SLC4A4: variants seen among roughly 807,000 people sequenced by gnomAD.
SLC4A4 encodes solute carrier family 4 member 4, also known as electrogenic sodium bicarbonate cotransporter 1.
In SLC4A4, 27 loss-of-function variants were observed where a neutral mutation model predicts 111.5. The ratio of observed to expected loss-of-function variants is 0.24; its 90% CI spans 0.18 to 0.33. The LOEUF (loss-of-function observed/expected upper bound fraction) is 0.33, where lower values mean the gene tolerates loss of function less well. Among genes scored for constraint, SLC4A4 ranks in the 10% least tolerant of loss-of-function variants. SLC4A4 has a pLI of 1.00. For missense variants in SLC4A4, 909 were observed against 1,315.5 expected (o/e 0.69, Z 4.78); for synonymous variants, 443 against 463.4 (o/e 0.96, Z 0.57).
rs116259645 is a variant in SLC4A4, at chr4:71,521,915, G to A, written c.2167-10147G>A. ...TTACACTTACACTTCGATTCCACTC[G>A]TTCTGGCTCCCATTACCTTTGCTGA... On this transcript the variant is annotated intron_variant, in intron 16 of 25. Transcript: ENST00000264485. Among the ~76,000 whole-genome samples the A allele has an allele frequency of 9.4e-3, 1,437 of 152,152 alleles. 22 individuals are homozygous for A. The highest frequency in any genetic ancestry group is 0.029 in the African/African-American group (1,221 of 41,484).
At chr4:71,442,381 A>G (rs549396125) in intron 8 of SLC4A4, among the ~76,000 whole-genome samples, 7 of 152,334 alleles carry the variant, frequency 4.6e-5, no homozygotes, top group Admixed American at 4.6e-4. Context: ...ATAATATTAT[A>G]TAACTATTTC....
chr4:71,144,900 C>T (rs1331418644), intron 2 of SLC4A4, among the ~76,000 whole-genome samples: 1 of 152,084 alleles, frequency 6.6e-6, no homozygotes, highest in Non-Finnish European at 1.5e-5. Context: ...CAAACAGGGA[C>T]AATTTGACTT....
intron 2 of SLC4A4, among the ~76,000 whole-genome samples, chr4:71,177,468 A>T (rs2083954020): frequency 1.3e-5 from 2 of 152,190 alleles, no homozygotes. Context: ...GGCTCAAAAT[A>T]AAGGGATGGA....
chr4:71,258,742 A>G (rs1195364554), intron 3 of SLC4A4, among the ~76,000 whole-genome samples: 3 of 152,186 alleles, frequency 2.0e-5, no homozygotes, highest in African/African-American at 7.2e-5. Context: ...CCCTTGGCAC[A>G]TAAAATCTGG....
intron 3 of SLC4A4, among the ~76,000 whole-genome samples, chr4:71,285,130 A>G (rs190451570): frequency 2.7e-4 from 41 of 152,352 alleles, no homozygotes; most frequent in African/African-American, 9.6e-4. Context: ...TATGTGCTCC[A>G]TGGTGACCAA....
At chr4:71,204,030 C>T (rs144029216) in intron 1 of SLC4A4, among the ~76,000 whole-genome samples, 16 of 152,222 alleles carry the variant, frequency 1.1e-4, no homozygotes, top group South Asian at 8.3e-4. Context: ...TCTCTGAAAA[C>T]CAAGTAGTTT....
At position 71,342,868 on chromosome 4, in the gene SLC4A4, G is replaced by A. The variant is rs1247941750; in HGVS notation, c.389+3363G>A. Among the ~76,000 whole-genome samples, 5 of 152,154 alleles carry A rather than the reference G, an allele frequency of 3.3e-5. No individual in the cohort carries two copies. In the South Asian group the frequency reaches 1.0e-3, roughly 32 times the overall value. ...AGAGACGTTATTTCCTTGGGAGCAC[G>A]TGTGCCATTTTGCTGATGTAGTCTG... On this transcript the variant is annotated intron_variant, in intron 4 of 25. Transcript: ENST00000264485.
intron 3 of SLC4A4, among the ~76,000 whole-genome samples, chr4:71,273,136 A>T (rs1722812510): frequency 1.3e-5 from 2 of 152,202 alleles, no homozygotes; most frequent in East Asian, 1.9e-4. Flanking sequence ...TATGAGGTAG[A>T]TATAATTATT....
chr4:71,531,083 G>T (rs1344297848), intron 16 of SLC4A4, among the ~76,000 whole-genome samples: 1 of 152,136 alleles, frequency 6.6e-6, no homozygotes, highest in Non-Finnish European at 1.5e-5. Context: ...CTTGTTGAAT[G>T]ATTAAATTAT....
chr4:71,521,679 G>A (rs545283173), intron 16 of SLC4A4, among the ~76,000 whole-genome samples: 11 of 152,314 alleles, frequency 7.2e-5, no homozygotes, highest in Admixed American at 3.3e-4. Context: ...CACAGAAGAT[G>A]TGGTGTCCCA....
At chr4:71,548,269 C>A (rs746499385) in intron 20 of SLC4A4, among the ~76,000 whole-genome samples, 9 of 151,758 alleles carry the variant, frequency 5.9e-5, no homozygotes, top group Non-Finnish European at 1.2e-4. Flanking sequence ...AAATTACTGA[C>A]TCATAATTAG....
intron 6 of SLC4A4, among the ~76,000 whole-genome samples, chr4:71,375,171 G>A (rs1016892197): frequency 2.6e-5 from 4 of 152,092 alleles, no homozygotes; most frequent in East Asian, 1.9e-4. Context: ...ATATGGAAAC[G>A]CATCTTACAC....
intron 1 of SLC4A4, among the ~76,000 whole-genome samples, chr4:71,084,688 A>T (rs1160466616): frequency 1.3e-5 from 2 of 151,930 alleles, no homozygotes; most frequent in Non-Finnish European, 2.9e-5. Context: ...GTTTGCTGAG[A>T]ATGATGGTTT....
At chr4:71,229,812 GTTTTTTTTTTT>G (rs546659911) in intron 1 of SLC4A4, among the ~76,000 whole-genome samples, 1 of 124,354 alleles carries the variant, frequency 8.0e-6, no homozygotes, top group Non-Finnish European at 1.7e-5. Flanking sequence ...CCCCTGCGAA[GTTTTTTTTTTT>G]TTTTTTTTTT....
rs528873674 is a variant in SLC4A4 at position 71,476,718 on chromosome 4, T to C, written c.1903+3748T>C. ...CTAAATGCACTTTTTTCTCCATTCA[T>C]TTTGCTCCCAACTACTGCTTGGTAA... On this transcript the variant is annotated intron_variant, in intron 14 of 25. Coordinates refer to ENST00000264485, the MANE Select transcript of SLC4A4 (RefSeq NM_001098484.3). 2.2e-4 allele frequency among the ~76,000 whole-genome samples: 34 copies of C among 151,852 alleles called. 1 individual carries two copies. The highest frequency in any genetic ancestry group is 2.2e-3 in the Admixed American group (34 of 15,210).
chr4:71,550,934 G>A (rs1735931959), intron 20 of SLC4A4, among the ~76,000 whole-genome samples: 1 of 151,848 alleles, frequency 6.6e-6, no homozygotes, highest in Non-Finnish European at 1.5e-5. Flanking sequence ...CTTGACCCTA[G>A]CCAGCAACAG....
intron 7 of SLC4A4, among the ~76,000 whole-genome samples, chr4:71,424,414 A>G (rs1035963458): frequency 2.7e-4 from 41 of 151,676 alleles, no homozygotes; most frequent in African/African-American, 9.6e-4. Flanking sequence ...TAGTTCAACC[A>G]TTGTGGAAGT....
At chr4:71,404,362 G>T (rs2148990033) in intron 7 of SLC4A4, among the ~76,000 whole-genome samples, 1 of 152,290 alleles carries the variant, frequency 6.6e-6, no homozygotes, top group South Asian at 2.1e-4. Context: ...CAGCCAAAAA[G>T]GGGCTCTGTG....
intron 1 of SLC4A4, chr4:71,233,322 A>C: frequency 2.0e-6 from 2 of 985,346 alleles, no homozygotes; most frequent in Non-Finnish European, 2.4e-6. Flanking sequence ...GTATGTAAAA[A>C]TTATATTTGG....
Sources: gnomAD v4.1 joint callset for allele counts (sites outside exome capture counted in the v4.1 genomes callset) on GRCh38, gnomAD v4.1.1 for gene constraint, MANE v1.5 for transcripts, NCBI Gene and HGNC (gene_info 2026-07-23, HGNC 2026-07-21) for gene names.